ARHGAP28: variants seen among roughly 807,000 people sequenced by gnomAD.
ARHGAP28 encodes the protein Rho GTPase activating protein 28.
In ARHGAP28, 56 loss-of-function variants were observed where a neutral mutation model predicts 90.7. The ratio of observed to expected loss-of-function variants is 0.62; its 90% CI spans 0.50 to 0.77. ARHGAP28 has a LOEUF of 0.77. Ranked by LOEUF, ARHGAP28 falls within the 30% of genes least tolerant of loss-of-function variation. The pLI, the probability that ARHGAP28 is intolerant of heterozygous loss-of-function variation, is 0.00. For synonymous variants in ARHGAP28, 308 were observed against 323.3 expected (o/e 0.95, Z 0.51); for missense variants, 869 against 900.9 (o/e 0.96, Z 0.45).
chr18:6,789,074 T>G (rs2056387323), intron 1 of ARHGAP28: 1 of 152,164 alleles, frequency 6.6e-6, no homozygotes, highest in Admixed American at 6.5e-5. Context: ...GAAATCAACC[T>G]TGAAAAAATG....
At chr18:6,783,586 C>T (rs1436293720) in intron 1 of ARHGAP28, among the ~76,000 whole-genome samples, 2 of 152,028 alleles carry the variant, frequency 1.3e-5, no homozygotes, top group Non-Finnish European at 2.9e-5. Flanking sequence ...CAGGCGTGAG[C>T]CACCATGACC....
intron 16 of ARHGAP28, chr18:6,898,714 A>G (rs2057322197): frequency 2.2e-6 from 3 of 1,387,026 alleles, no homozygotes; most frequent in Non-Finnish European, 1.9e-6. Flanking sequence ...AAAATGTATT[A>G]GAACTAATGA....
rs1355408338 is a variant in ARHGAP28, at chr18:6,915,089, T to C, written c.*2935T>C. On this transcript the variant is annotated 3_prime_UTR_variant, in exon 18 of 18. Transcript: ENST00000383472. ...ATGTTTAATAATATACATTTAATGA[T>C]GAAAAATATTTTCAGCAAAGCTTTA... 1 of 152,422 alleles carries C rather than the reference T, an allele frequency of 6.6e-6. No individual in the cohort carries two copies. The highest frequency in any genetic ancestry group is 2.4e-5 in the African/African-American group (1 of 41,458). 9.4% of individuals were successfully genotyped at this position (152,422 alleles called of 1,614,324 possible). A position where few individuals can be genotyped will look rare whatever the true frequency, so the allele number is the denominator to read the frequency against.
At chr18:6,870,861 C>G (rs150436287) in intron 7 of ARHGAP28, 129 bp downstream of exon 7, 157 of 963,578 alleles carry the variant, frequency 1.6e-4, no homozygotes, top group South Asian at 3.8e-4. Context: ...AGTGCAGTGG[C>G]GCGATCTCGG....
intron 1 of ARHGAP28, among the ~76,000 whole-genome samples, chr18:6,785,139 C>T (rs935456081): frequency 6.6e-6 from 1 of 152,164 alleles, no homozygotes; most frequent in African/African-American, 2.4e-5. Context: ...CCAATAACTT[C>T]GTAATTAGGT....
chr18:6,753,241 A>G (rs1316010467), intron 1 of ARHGAP28, among the ~76,000 whole-genome samples: 3 of 152,256 alleles, frequency 2.0e-5, no homozygotes, highest in African/African-American at 7.2e-5. Flanking sequence ...TTTTCAGGAC[A>G]ATATTGTAAT....
chr18:6,750,694 T>A (rs1479901016), intron 1 of ARHGAP28, among the ~76,000 whole-genome samples: 1 of 152,072 alleles, frequency 6.6e-6, no homozygotes, highest in Non-Finnish European at 1.5e-5. Flanking sequence ...CTCAGGTCTC[T>A]CTTCTTCTTA....
chr18:6,890,220 T>A (rs575940544), intron 13 of ARHGAP28, 135 bp downstream of exon 13: 159 of 982,732 alleles, frequency 1.6e-4, no homozygotes, highest in Non-Finnish European at 2.2e-4. Flanking sequence ...TGTGACAGCC[T>A]TACACCTTCT....
At chr18:6,890,195 A>T (rs767852690) in intron 13 of ARHGAP28, 110 bp downstream of exon 13, 181 of 1,274,754 alleles carry the variant, frequency 1.4e-4, no homozygotes, top group Non-Finnish European at 1.9e-4. Context: ...ATATGAGAAG[A>T]TAACCCCAGG....
rs775403492 is a variant in ARHGAP28, at chr18:6,896,574, A to C, written c.1978A>C (p.Asn660His). ...LSKVSMAIQL[N>H]NQTKAKDILA... ...CAAGGTGTCCATGGCCATTCAACTC[A>C]ACAATCAAACCAAAGCCAAAGACAT... The change falls in exon 16 of 18, where the codon AAC becomes CAC. Residue 660 changes from asparagine (N) to histidine (H), a missense_variant. Physicochemically the swap from Asn to His is moderately conservative, Grantham distance 68. Coordinates refer to ENST00000383472, the MANE Select transcript of ARHGAP28 (RefSeq NM_001366230.1). 27 of 1,614,096 alleles carry C rather than the reference A, an allele frequency of 1.7e-5. No individual in the cohort carries two copies. The highest frequency in any genetic ancestry group is 2.3e-5 in the Non-Finnish European group (27 of 1,180,038).
chr18:6,821,061 A>G (rs1158909862), intron 1 of ARHGAP28, among the ~76,000 whole-genome samples: 1 of 152,212 alleles, frequency 6.6e-6, no homozygotes, highest in Admixed American at 6.5e-5. Context: ...CTATTGGGGG[A>G]TGTAAACATC....
At position 6,729,931 on chromosome 18, in the gene ARHGAP28, AC is replaced by A; in HGVS notation, c.113del (p.Pro38ArgfsTer36). The A allele has an allele frequency of 7.2e-7, 1 of 1,390,120 alleles. No individual in the cohort carries two copies. The highest frequency in any genetic ancestry group is 1.6e-5 in the South Asian group (1 of 61,824). 86.1% of individuals were successfully genotyped at this position (1,390,120 alleles called of 1,614,324 possible). The stretch of plus-strand genomic sequence containing the variant: ...TGCGCGCCCCGCGCCGCAGCCAGCC[AC>A]CCGCTCAGCAGGTACCCGGAGCCGC... Reference protein sequence around the residue: ...SRCAPRAAASHPLSRKSIPRC... With the variant: ...SRCAPRAAASXPLSRKSIPRC... On this transcript the variant is annotated frameshift_variant, in exon 1 of 18. Coordinates refer to ENST00000383472, the MANE Select transcript of ARHGAP28 (RefSeq NM_001366230.1). LOFTEE classifies it high-confidence loss of function.
chr18:6,837,903 T>C (rs936377460), intron 3 of ARHGAP28, among the ~76,000 whole-genome samples: 1 of 152,156 alleles, frequency 6.6e-6, no homozygotes, highest in African/African-American at 2.4e-5. Context: ...GGCAAGAGAA[T>C]GATTCAGAAA....
intron 1 of ARHGAP28, among the ~76,000 whole-genome samples, chr18:6,772,527 A>G (rs1055113941): frequency 3.3e-5 from 5 of 152,236 alleles, no homozygotes; most frequent in African/African-American, 9.6e-5. Context: ...TCAGTACAGT[A>G]TTCAATACAT....
chr18:6,782,913 C>T (rs80138413), intron 1 of ARHGAP28, among the ~76,000 whole-genome samples: 5,698 of 151,976 alleles, frequency 0.037, 358 homozygotes, highest in African/African-American at 0.13. Context: ...ACTTTCTTTC[C>T]CAAATCTTGG....
At chr18:6,739,113 G>A (rs904741153) in intron 1 of ARHGAP28, among the ~76,000 whole-genome samples, 1 of 152,154 alleles carries the variant, frequency 6.6e-6, no homozygotes, top group African/African-American at 2.4e-5. Flanking sequence ...ACAGCAAGGA[G>A]AGCCAAGATT....
At chr18:6,824,515 C>A (rs916535655) in intron 1 of ARHGAP28, among the ~76,000 whole-genome samples, 11 of 151,892 alleles carry the variant, frequency 7.2e-5, no homozygotes, top group African/African-American at 2.4e-4. Context: ...CCAGCCTGGG[C>A]AACAGAGCAA....
At chr18:6,785,090 C>A (rs2143511404) in intron 1 of ARHGAP28, among the ~76,000 whole-genome samples, 1 of 152,232 alleles carries the variant, frequency 6.6e-6, no homozygotes, top group Non-Finnish European at 1.5e-5. Context: ...AATTTCAGTG[C>A]TTGTTAAAAC....
At chr18:6,755,292 A>G (rs993257817) in intron 1 of ARHGAP28, among the ~76,000 whole-genome samples, 2 of 152,216 alleles carry the variant, frequency 1.3e-5, no homozygotes, top group Admixed American at 6.5e-5. Flanking sequence ...GAGAGAGTGA[A>G]GTTGAGTAGT....
Sources: allele counts gnomAD v4.1 joint callset (sites outside exome capture counted in the v4.1 genomes callset), GRCh38; gene constraint gnomAD v4.1.1; transcripts MANE v1.5; gene names NCBI Gene and HGNC (gene_info 2026-07-23, HGNC 2026-07-21).